Variants in SLC25A21 observed in about 807,000 individuals in gnomAD.
SLC25A21 encodes the protein mitochondrial 2-oxodicarboxylate carrier.
SLC25A21 carries 47 observed loss-of-function variants against 43.8 expected under a neutral mutation model. That is an observed-to-expected ratio of 1.07 (90% CI 0.85 to 1.37). The LOEUF is 1.37. Ranked by LOEUF, SLC25A21 falls within the 40% of genes most tolerant of loss-of-function variation. SLC25A21 has a pLI of 0.00. For missense variants in SLC25A21, 352 were observed against 350.2 expected, an observed-to-expected ratio of 1.00 and a Z score of -0.04; for synonymous variants, 131 against 121.3, an observed-to-expected ratio of 1.08 and a Z score of -0.52.
intron 1 of SLC25A21, among the ~76,000 whole-genome samples, chr14:37,001,388 TTAAA>T (rs1429338756): frequency 3.3e-5 from 5 of 152,026 alleles, no homozygotes; most frequent in African/African-American, 9.7e-5. Context: ...CCCAGAGAAG[TTAAA>T]TAGTTTGCTC....
intron 1 of SLC25A21, among the ~76,000 whole-genome samples, chr14:37,016,538 T>C (rs1960861251): frequency 6.6e-6 from 1 of 152,102 alleles, no homozygotes; most frequent in Non-Finnish European, 1.5e-5. Flanking sequence ...TCTTTTTTGA[T>C]TTTTGGCATA....
intron 3 of SLC25A21, among the ~76,000 whole-genome samples, chr14:36,790,388 G>C (rs1243275811): frequency 1.3e-5 from 2 of 151,968 alleles, no homozygotes; most frequent in Non-Finnish European, 2.9e-5. Context: ...TGCCTTCGAA[G>C]TTCTGCCACA....
rs148699509 is a variant in SLC25A21, at chr14:37,090,002, G to A, written c.70+82279C>T. ...CAAAGAAACAGAAACAATGAAACTG[G>A]CAAACCCCTCTACATTCTTAGGAAC... On this transcript the variant is annotated intron_variant, in intron 1 of 9. Transcript: ENST00000331299. Among the ~76,000 whole-genome samples the A allele has an allele frequency of 3.3e-4, 50 of 152,194 alleles. No homozygotes were observed. The East Asian group carries it at 9.3e-3, about 28-fold the overall frequency.
chr14:37,026,815 T>A (rs1227703153), intron 1 of SLC25A21, among the ~76,000 whole-genome samples: 2 of 152,140 alleles, frequency 1.3e-5, no homozygotes, highest in Admixed American at 6.6e-5. Flanking sequence ...GGCAAAAACA[T>A]GTCAAAGAGA....
At chr14:36,700,857 G>T (rs192444301) in intron 7 of SLC25A21, among the ~76,000 whole-genome samples, 1 of 152,176 alleles carries the variant, frequency 6.6e-6, no homozygotes, top group Non-Finnish European at 1.5e-5. Flanking sequence ...GGTAGCAACC[G>T]CAAGGCAAAT....
chr14:36,976,150 C>T (rs1313249036), intron 1 of SLC25A21, among the ~76,000 whole-genome samples: 2 of 152,170 alleles, frequency 1.3e-5, no homozygotes, highest in African/African-American at 4.8e-5. Flanking sequence ...TGAAATAGCA[C>T]AGGAGAAACA....
chr14:37,171,303 C>T (rs1425259411), intron 1 of SLC25A21, among the ~76,000 whole-genome samples: 1 of 152,104 alleles, frequency 6.6e-6, no homozygotes, highest in Non-Finnish European at 1.5e-5. Context: ...ATAATGATAA[C>T]CAGTCATAAT....
At chr14:36,811,058 G>A (rs1267428579) in intron 3 of SLC25A21, among the ~76,000 whole-genome samples, 1 of 145,740 alleles carries the variant, frequency 6.9e-6, no homozygotes, top group East Asian at 2.1e-4. Flanking sequence ...GGAAGAGCAT[G>A]GAAAAGCCCT....
intron 6 of SLC25A21, 127 bp from the exon 7 acceptor site, chr14:36,711,609 T>A (rs772672853): frequency 5.1e-6 from 5 of 986,244 alleles, no homozygotes; most frequent in Non-Finnish European, 7.0e-6. Context: ...TGAATAATCA[T>A]GCCTAGAACT....
intron 2 of SLC25A21, among the ~76,000 whole-genome samples, chr14:36,830,699 T>C (rs796436747): frequency 3.9e-5 from 6 of 152,286 alleles, no homozygotes; most frequent in African/African-American, 1.2e-4. Flanking sequence ...TCAAAATTAA[T>C]ATATTCCTAA....
At chr14:36,886,363 C>T (rs1443155947) in intron 1 of SLC25A21, among the ~76,000 whole-genome samples, 1 of 152,160 alleles carries the variant, frequency 6.6e-6, no homozygotes, top group African/African-American at 2.4e-5. Flanking sequence ...AAAAGTTATG[C>T]GTTTGAGCAA....
At chr14:36,821,628 C>A (rs1026705591) in intron 2 of SLC25A21, among the ~76,000 whole-genome samples, 2 of 152,008 alleles carry the variant, frequency 1.3e-5, no homozygotes, top group Non-Finnish European at 2.9e-5. Context: ...ACTAGCCTGG[C>A]CAACATGGTG....
intron 2 of SLC25A21, among the ~76,000 whole-genome samples, chr14:36,850,344 T>C (rs1030713192): frequency 2.0e-5 from 3 of 152,192 alleles, no homozygotes; most frequent in African/African-American, 7.2e-5. Context: ...AGATATGACT[T>C]CCATTTTACA....
At chr14:37,078,104 T>C (rs1286717867) in intron 1 of SLC25A21, among the ~76,000 whole-genome samples, 1 of 152,220 alleles carries the variant, frequency 6.6e-6, no homozygotes, top group Non-Finnish European at 1.5e-5. Flanking sequence ...AAACACAATT[T>C]TATCCAGGAC....
chr14:36,751,904 A>C (rs1217009426), intron 3 of SLC25A21, among the ~76,000 whole-genome samples: 1 of 152,226 alleles, frequency 6.6e-6, no homozygotes, highest in Non-Finnish European at 1.5e-5. Flanking sequence ...ATAATTGAGC[A>C]CCTAAAGATT....
intron 3 of SLC25A21, among the ~76,000 whole-genome samples, chr14:36,783,255 G>A (rs1169120659): frequency 4.0e-5 from 6 of 151,846 alleles, no homozygotes; most frequent in Non-Finnish European, 8.8e-5. Flanking sequence ...CCAGCTACAG[G>A]GTTGGGGTGG....
rs114052526 is a variant in SLC25A21 at position 36,723,906 on chromosome 14, C to T, written c.438+1664G>A. On this transcript the variant is annotated intron_variant, in intron 6 of 9. Transcript: ENST00000331299. ...TTATTCCTTTGCCTACTCACTGCTG[C>T]TTCAAGACAAGCTTCCCAAGGGGTA... 3.4e-3 allele frequency among the ~76,000 whole-genome samples: 509 copies of T among 147,752 alleles called. 2 individuals are homozygous for T. The highest frequency in any genetic ancestry group is 0.013 in the African/African-American group (495 of 38,726).
intron 2 of SLC25A21, among the ~76,000 whole-genome samples, chr14:36,867,863 GCTC>G (rs1890257193): frequency 6.6e-6 from 1 of 150,950 alleles, no homozygotes; most frequent in Admixed American, 6.6e-5. Context: ...TGCCATTATT[GCTC>G]CTATTTAAAT....
At chr14:37,040,460 G>C (rs1961447624) in intron 1 of SLC25A21, among the ~76,000 whole-genome samples, 1 of 149,552 alleles carries the variant, frequency 6.7e-6, no homozygotes, top group Non-Finnish European at 1.5e-5. Flanking sequence ...TTAGTTACAG[G>C]GTGAGGTCAA....
Sources: allele counts gnomAD v4.1 joint callset (sites outside exome capture counted in the v4.1 genomes callset), GRCh38; gene constraint gnomAD v4.1.1; transcripts MANE v1.5; gene names NCBI Gene and HGNC (gene_info 2026-07-23, HGNC 2026-07-21).